Variants in SCART1 observed in about 807,000 individuals in gnomAD.
SCART1 encodes scavenger receptor family member expressed on T cells 1.
In SCART1, 62 loss-of-function variants were observed where a neutral mutation model predicts 36.2. The observed-to-expected ratio is 1.71, with a 90% CI of 1.40 to 2.12. SCART1 has a LOEUF of 2.12. Among genes scored for constraint, SCART1 ranks in the 30% most tolerant of loss-of-function variants. The pLI is 0.00. For synonymous variants in SCART1, 487 were observed against 238.7 expected (o/e 2.04, Z -9.59); for missense variants, 1,041 against 540.5 (o/e 1.93, Z -9.18).
In SCART1 at chr10:133,454,111, C is replaced by T. The variant is rs541085835; in HGVS notation, c.67+47C>T. 2.4e-5 allele frequency: 17 copies of T among 702,336 alleles called. 1 individual carries two copies. In the South Asian group the frequency reaches 2.5e-4, roughly 10 times the overall value. The allele number at this position is 702,336 out of a possible 1,614,324, so 43.5% of individuals were successfully genotyped here. ...CCATGGAACTTTCTGGAGGCATCAG[C>T]TCTGTTGATGCCCAGGCCCCGGGGC... On this transcript the variant is annotated intron_variant, in intron 1 of 11. Coordinates refer to ENST00000640237, the Ensembl canonical transcript of SCART1.
chr10:133,455,133 A>G (rs7906384), intron 1 of SCART1, among the ~76,000 whole-genome samples: 26,353 of 151,850 alleles, frequency 0.17, 2,358 homozygotes, highest in African/African-American at 0.25. Flanking sequence ...CAGTCGTGGT[A>G]GTGGGCGCCT....
chr10:133,457,665 C>T (rs976128074), intron 3 of SCART1, 90 bp downstream of exon 3: 10 of 593,484 alleles, frequency 1.7e-5, no homozygotes, highest in Admixed American at 3.2e-5. Flanking sequence ...GTGGGCGTTC[C>T]CACGGATGGG....
At chr10:133,463,985 C>A (rs374977788) in intron 6 of SCART1, among the ~76,000 whole-genome samples, 6 of 152,276 alleles carry the variant, frequency 3.9e-5, no homozygotes, top group African/African-American at 1.4e-4. Flanking sequence ...CCCAACCCTT[C>A]CCAACCTCTA....
exon 6 of SCART1, chr10:133,459,781 G>C (rs1203303173): frequency 1.5e-6 from 1 of 677,808 alleles, no homozygotes; most frequent in Admixed American, 2.1e-5. Context: ...GGGACCTCGC[G>C]GGACGCCGGC....
At chr10:133,456,342 C>T (rs758449455) in exon 2 of SCART1, 48 of 702,926 alleles carry the variant, frequency 6.8e-5, no homozygotes, top group South Asian at 2.7e-4. Flanking sequence ...CAGGAGTGGA[C>T]GCTGGCAGAG....
intron 9 of SCART1, chr10:133,465,975 G>A: frequency 1.5e-6 from 1 of 670,716 alleles, no homozygotes. Flanking sequence ...CACCTCTTGT[G>A]ACTTGCCCTG....
downstream of SCART1, chr10:133,469,190 G>C (rs1000191074): frequency 6.6e-6 from 1 of 152,148 alleles, no homozygotes; most frequent in African/African-American, 2.4e-5. Context: ...TTTGAGAAGT[G>C]TCTGTTCATA....
At chr10:133,469,131 T>C (rs1850791788) in exon 12 of SCART1, 1 of 152,238 alleles carries the variant, frequency 6.6e-6, no homozygotes, top group Non-Finnish European at 1.5e-5. Context: ...TAATGACCAG[T>C]GATGATGAAC....
At chr10:133,465,315 C>T (rs996785156) in exon 9 of SCART1, 6 of 685,072 alleles carry the variant, frequency 8.8e-6, no homozygotes, top group Middle Eastern at 2.5e-4. Flanking sequence ...AGCTCTGGCA[C>T]GCGGGCTCCT....
chr10:133,456,639 G>A (rs1850617558), intron 2 of SCART1, 85 bp downstream of exon 2: 3 of 597,264 alleles, frequency 5.0e-6, no homozygotes. Context: ...ACGCAGAGGA[G>A]GACTGGGAGG....
chr10:133,461,004 G>A (rs1390422352), intron 6 of SCART1, among the ~76,000 whole-genome samples: 1 of 152,080 alleles, frequency 6.6e-6, no homozygotes, highest in Non-Finnish European at 1.5e-5. Context: ...CCAAAGTGTT[G>A]GGATTACAGG....
exon 1 of SCART1, chr10:133,454,028 G>A (rs984529721): frequency 8.5e-6 from 6 of 702,832 alleles, no homozygotes; most frequent in Admixed American, 4.0e-5. Flanking sequence ...CCTGGGACTC[G>A]GGCCCCTTCT....
exon 6 of SCART1, chr10:133,459,775 C>T: frequency 1.5e-6 from 1 of 679,776 alleles, no homozygotes; most frequent in South Asian, 1.5e-5. Flanking sequence ...CCCGCGGGGA[C>T]CTCGCGGGAC....
rs1296527263 is a variant in SCART1, at chr10:133,453,990, G to A, written c.-8G>A. ...AGAGCTTGCTGAAGCCCAGAGGGCT[G>A]TGGGACCATGAGGGCAGCTCTCTGG... is the stretch of plus-strand genomic sequence containing the variant. On this transcript the variant is annotated 5_prime_UTR_variant, in exon 1 of 12. The change creates a new upstream start codon in the 5' untranslated region. Transcript: ENST00000640237. 1.4e-6 allele frequency: 1 copy of A among 703,018 alleles called. No individual in the cohort carries two copies. The highest frequency in any genetic ancestry group is 2.6e-6 in the Non-Finnish European group (1 of 384,990). 43.5% of individuals were successfully genotyped at this position (703,018 alleles called of 1,614,324 possible).
exon 5 of SCART1, chr10:133,459,034 C>G (rs899924477): frequency 1.4e-6 from 1 of 691,510 alleles, no homozygotes; most frequent in Non-Finnish European, 2.6e-6. Flanking sequence ...TCAGGATGGT[C>G]AACGGCAGCA....
intron 6 of SCART1, among the ~76,000 whole-genome samples, chr10:133,463,605 T>C (rs1850729293): frequency 6.6e-6 from 1 of 151,100 alleles, no homozygotes; most frequent in Admixed American, 6.6e-5. Context: ...TCCAGGTTCA[T>C]CCATGTTGTC....
At chr10:133,455,122 C>T (rs1589932783) in intron 1 of SCART1, among the ~76,000 whole-genome samples, 1 of 151,960 alleles carries the variant, frequency 6.6e-6, no homozygotes. Context: ...CAAAAATTAG[C>T]CAGTCGTGGT....
exon 1 of SCART1, chr10:133,454,019 C>T: frequency 1.4e-6 from 1 of 703,010 alleles, no homozygotes; most frequent in Non-Finnish European, 2.6e-6. Flanking sequence ...TCTCTGGACC[C>T]TGGGACTCGG....
rs778061293 is a variant in SCART1 at position 133,467,367 on chromosome 10, C to G, written c.2962+14C>G. 1.6e-5 allele frequency: 11 copies of G among 696,888 alleles called. No homozygotes were observed. The highest frequency in any genetic ancestry group is 9.0e-5 in the South Asian group (6 of 66,384). 43.2% of individuals were successfully genotyped at this position (696,888 alleles called of 1,614,324 possible). A position where few individuals can be genotyped will look rare whatever the true frequency, so the allele number is the denominator to read the frequency against. ...CAGAAGCCGCAGGTGGGTTTGTGCTCCAGCTCAGGGGTGAGCTCTGGGGTG... is the reference window on the plus strand; with the variant it reads ...CAGAAGCCGCAGGTGGGTTTGTGCTGCAGCTCAGGGGTGAGCTCTGGGGTG... On this transcript the variant is annotated intron_variant, in intron 11 of 11. Coordinates refer to ENST00000640237, the Ensembl canonical transcript of SCART1.
Sources: allele counts gnomAD v4.1 joint callset (sites outside exome capture counted in the v4.1 genomes callset), GRCh38; gene constraint gnomAD v4.1.1; transcripts MANE v1.5; gene names NCBI Gene and HGNC (gene_info 2026-07-23, HGNC 2026-07-21).